The following MEIOC variants were observed in gnomAD, a reference collection of about 807,000 sequenced individuals.
The protein encoded by MEIOC is meiosis specific with coiled-coil domain, also known as meiosis-specific coiled-coil domain-containing protein MEIOC.
In MEIOC, 9 loss-of-function variants were observed where a neutral mutation model predicts 85.3. That is an observed-to-expected ratio of 0.11 (90% CI 0.06 to 0.18). The LOEUF is 0.18. MEIOC is among the 10% of genes least tolerant of loss of function. MEIOC has a pLI of 1.00. For synonymous variants in MEIOC, 365 were observed against 393.7 expected, an observed-to-expected ratio of 0.93 and a Z score of 0.86; for missense variants, 898 against 1,129.4, an observed-to-expected ratio of 0.80 and a Z score of 2.94.
intron 5 of MEIOC, 129 bp downstream of exon 5, chr17:44,668,362 G>A: frequency 1.1e-6 from 1 of 896,734 alleles, no homozygotes; most frequent in Non-Finnish European, 1.6e-6. Context: ...GTTTTAAAGA[G>A]ACAGAGTCTC....
rs929295235 is a variant in MEIOC at position 44,674,688 on chromosome 17, G to A, written c.*492G>A. ...ACTGGATAATACCTGGGAAACAAAG[G>A]AAAATACGGATAAACCCAATATTCA... is the stretch of plus-strand genomic sequence containing the variant. On this transcript the variant is annotated 3_prime_UTR_variant, in exon 8 of 8. Transcript: ENST00000409122. The A allele has an allele frequency of 1.7e-5, 17 of 984,158 alleles. No individual in the cohort carries two copies. The highest frequency in any genetic ancestry group is 2.1e-5 in the Non-Finnish European group (17 of 828,432). The allele number at this position is 984,158 out of a possible 1,614,324, so 61.0% of individuals were successfully genotyped here. A position where few individuals can be genotyped will look rare whatever the true frequency, so the allele number is the denominator to read the frequency against.
In MEIOC at chr17:44,674,237, T is replaced by G; in HGVS notation, c.*41T>G. On this transcript the variant is annotated 3_prime_UTR_variant, in exon 8 of 8. Transcript: ENST00000409122. ...AAGAAGAATAAAAAGCTGATAAATA[T>G]ACCAAGACATGCTAAAAATGTTTTA... 1 of 1,508,106 alleles carries G rather than the reference T, an allele frequency of 6.6e-7. No individual in the cohort carries two copies. Among genetic ancestry groups the G allele is most frequent in the Non-Finnish European group, 8.9e-7 (1 of 1,129,466 alleles). 93.4% of individuals were successfully genotyped at this position (1,508,106 alleles called of 1,614,324 possible).
In MEIOC at chr17:44,675,769, T is replaced by C; in HGVS notation, c.*1573T>C. ...AACAAATACTGTACTGAATTTAGTC[T>C]CAGGAAAAAAATAAATTACTTTGTT... On this transcript the variant is annotated 3_prime_UTR_variant, in exon 8 of 8. Transcript: ENST00000409122. 1 of 957,186 alleles carries C rather than the reference T, an allele frequency of 1.0e-6. No homozygotes were observed. The highest frequency in any genetic ancestry group is 1.2e-6 in the Non-Finnish European group (1 of 804,272). 59.3% of individuals were successfully genotyped at this position (957,186 alleles called of 1,614,324 possible).
Position 44,674,146 on chromosome 17 carries a change from A to G in MEIOC, c.2809A>G (p.Ile937Val), listed in dbSNP as rs1568136766. The G allele has an allele frequency of 6.4e-7, 1 of 1,551,750 alleles. No individual in the cohort carries two copies. Among genetic ancestry groups the G allele is most frequent in the Admixed American group, 2.0e-5 (1 of 51,014 alleles). The change falls in exon 8 of 8, where the codon ATA (isoleucine) becomes GTA (valine). Residue 937 changes from isoleucine (I) to valine (V), a missense_variant. Around this residue, in one of 2 missense-constraint regions of MEIOC, gnomAD observed 164 missense variants for 269.2 expected, o/e 0.61. Coordinates refer to ENST00000409122, the MANE Select transcript of MEIOC (RefSeq NM_001145080.3). Reference sequence around the variant, plus strand: ...CTGTGAAGATAAAGTCCATGAAAGCATAAATAGTAGCAATCCAATGAACCA... The same window carrying G: ...CTGTGAAGATAAAGTCCATGAAAGCGTAAATAGTAGCAATCCAATGAACCA... ...VNCEDKVHES[I>V]NSSNPMNQRG...
At position 44,673,484 on chromosome 17, in the gene MEIOC, A is replaced by G. The variant is rs1247915522; in HGVS notation, c.2576A>G (p.Asp859Gly). 6.4e-7 allele frequency: 1 copy of G among 1,551,458 alleles called. No individual in the cohort carries two copies. Among genetic ancestry groups the G allele is most frequent in the Admixed American group, 2.0e-5 (1 of 50,714 alleles). The change falls in exon 7 of 8, where the codon GAT becomes GGT. Residue 859 changes from aspartate to glycine, a missense_variant. Transcript: ENST00000409122. ...SIHIVQSRRK[D>G]EIVNASNRQR... The stretch of plus-strand genomic sequence containing the variant: ...CACATTGTACAGTCACGTAGAAAGG[A>G]TGAAATTGTTAATGCTTCCAATCGG...
chr17:44,661,854 A>G (rs566428079), intron 2 of MEIOC, among the ~76,000 whole-genome samples: 173 of 152,270 alleles, frequency 1.1e-3, no homozygotes, highest in African/African-American at 4.0e-3. Flanking sequence ...CCAAGACTGA[A>G]TTTTATATAT....
Position 44,674,781 on chromosome 17 carries a change from A to G in MEIOC, c.*585A>G. 2.0e-6 allele frequency: 2 copies of G among 982,236 alleles called. No individual in the cohort carries two copies. Among genetic ancestry groups the G allele is most frequent in the South Asian group, 9.4e-5 (2 of 21,232 alleles). The allele number at this position is 982,236 out of a possible 1,614,324, so 60.8% of individuals were successfully genotyped here. On this transcript the variant is annotated 3_prime_UTR_variant, in exon 8 of 8. Transcript: ENST00000409122. ...AAATTTGGAATCTTAATGCCTAGGT[A>G]TATGGAGGGAAATGCATCTGATTCT...
intron 6 of MEIOC, chr17:44,670,080 G>A (rs1419573508): frequency 6.6e-6 from 1 of 152,080 alleles, no homozygotes; most frequent in East Asian, 1.9e-4. Context: ...AGACCATCCT[G>A]GGCAACATAG....
intron 3 of MEIOC, among the ~76,000 whole-genome samples, chr17:44,662,883 T>G (rs1381435657): frequency 2.0e-5 from 3 of 152,166 alleles, no homozygotes; most frequent in African/African-American, 7.2e-5. Flanking sequence ...CCTAGGCTGG[T>G]CTTGAACTCC....
At chr17:44,657,964 G>A (rs565181856) in intron 2 of MEIOC, among the ~76,000 whole-genome samples, 52 of 151,890 alleles carry the variant, frequency 3.4e-4, no homozygotes, top group African/African-American at 1.2e-3. Context: ...CAGTTCTTCC[G>A]TCTCAGCCTC....
intron 2 of MEIOC, among the ~76,000 whole-genome samples, chr17:44,659,305 G>A (rs1971814694): frequency 6.6e-6 from 1 of 152,124 alleles, no homozygotes; most frequent in South Asian, 2.1e-4. Flanking sequence ...AAGCTCAAGT[G>A]GAACCCAGAC....
At chr17:44,660,321 ACCTCCGCCT>A (rs1438875349) in intron 2 of MEIOC, among the ~76,000 whole-genome samples, 1 of 151,586 alleles carries the variant, frequency 6.6e-6, no homozygotes, top group African/African-American at 2.4e-5. Flanking sequence ...GCTCACTGCA[ACCTCCGCCT>A]TCTGGGTTCA....
intron 6 of MEIOC, among the ~76,000 whole-genome samples, chr17:44,672,125 T>A (rs1267246900): frequency 6.6e-6 from 1 of 151,950 alleles, no homozygotes; most frequent in African/African-American, 2.4e-5. Flanking sequence ...AGATTACAGG[T>A]GTGTACCACC....
chr17:44,661,992 A>T (rs575021120), intron 2 of MEIOC, among the ~76,000 whole-genome samples: 1 of 152,264 alleles, frequency 6.6e-6, no homozygotes, highest in African/African-American at 2.4e-5. Flanking sequence ...GCTGCCCGAT[A>T]CCTGTTTTGT....
chr17:44,672,596 A>G (rs1972029160), intron 6 of MEIOC, among the ~76,000 whole-genome samples: 1 of 152,194 alleles, frequency 6.6e-6, no homozygotes, highest in Non-Finnish European at 1.5e-5. Flanking sequence ...ATTCCCAAAG[A>G]CAATTACTGT....
Position 44,666,738 on chromosome 17 carries a change from T to G in MEIOC, c.827T>G (p.Leu276Arg). The change falls in exon 5 of 8, where the codon CTG becomes CGG. Residue 276 changes from leucine to arginine, a missense_variant. Around this residue, in one of 2 missense-constraint regions of MEIOC, gnomAD observed 734 missense variants for 860.1 expected, o/e 0.85. Coordinates refer to ENST00000409122, the MANE Select transcript of MEIOC (RefSeq NM_001145080.3). ...AACTGTTTTACACCCCAAACTGGTC[T>G]GTCTGATATCATGAAAGAATCAGGA... ...IKNCFTPQTG[L>R]SDIMKESGVD... 1 of 1,613,542 alleles carries G rather than the reference T, an allele frequency of 6.2e-7. No homozygotes were observed. Among genetic ancestry groups the G allele is most frequent in the South Asian group, 1.1e-5 (1 of 91,014 alleles).
At chr17:44,673,228 G>T (rs1972035114) in intron 6 of MEIOC, 138 bp from the exon 7 acceptor site, 1 of 589,044 alleles carries the variant, frequency 1.7e-6, no homozygotes, top group South Asian at 3.3e-5. Context: ...CCAGCATGGT[G>T]TCAGGACACA....
rs760578992 is a variant in MEIOC at position 44,668,161 on chromosome 17, A to C, written c.2250A>C (p.Pro750=). 2 of 1,613,918 alleles carry C rather than the reference A, an allele frequency of 1.2e-6. No individual in the cohort carries two copies. Among genetic ancestry groups the C allele is most frequent in the Admixed American group, 3.3e-5 (2 of 60,000 alleles). The change falls in exon 5 of 8, where the codon CCA becomes CCC. Residue 750 remains proline (P), a synonymous_variant. Transcript: ENST00000409122. ...FQRPIKTRSG[P]ASELHIRLEE... is the part of the protein sequence containing the mutation. ...GACCAATTAAAACCCGTAGTGGACC[A>C]GCCAGTGAACTTCATATTCGTCTAG...
intron 2 of MEIOC, among the ~76,000 whole-genome samples, 159 bp from the exon 3 acceptor site, chr17:44,662,158 C>T (rs546043344): frequency 7.2e-5 from 11 of 152,218 alleles, no homozygotes; most frequent in African/African-American, 2.6e-4. Context: ...AACAAGTTTG[C>T]CAATCCCTGG....
Sources: gnomAD v4.1 joint callset for allele counts (sites outside exome capture counted in the v4.1 genomes callset) on GRCh38, gnomAD v4.1.1 for gene constraint, gnomAD v4.1.1 regional missense constraint, MANE v1.5 for transcripts, NCBI Gene and HGNC (gene_info 2026-07-23, HGNC 2026-07-21) for gene names.